The following RNF213 variants were observed in gnomAD, a reference collection of about 807,000 sequenced individuals.
The protein encoded by RNF213 is ring finger protein 213.
In RNF213, 341 loss-of-function variants were observed where a neutral mutation model predicts 514.4. The ratio of observed to expected loss-of-function variants is 0.66; its 90% confidence interval spans 0.61 to 0.73. The LOEUF (loss-of-function observed/expected upper bound fraction) is 0.73, where lower values mean the gene tolerates loss of function less well. Ranked by LOEUF, RNF213 falls within the 30% of genes least tolerant of loss-of-function variation. RNF213 has a pLI of 0.00. For missense variants in RNF213, 5,767 were observed against 6,615.6 expected (o/e 0.87, Z 4.45); for synonymous variants, 2,655 against 2,658.2 (o/e 1.00, Z 0.04).
At chr17:80,354,284 CAG>C in intron 35 of RNF213, 118 bp downstream of exon 35, 5 of 1,485,204 alleles carry the variant, frequency 3.4e-6, no homozygotes, top group Non-Finnish European at 4.7e-6. Context: ...TCAGCAGAAG[CAG>C]TGACACAGTG....
intron 31 of RNF213, among the ~76,000 whole-genome samples, 192 bp from the exon 32 acceptor site, chr17:80,351,493 T>C (rs965872391): frequency 1.3e-5 from 2 of 152,216 alleles, no homozygotes; most frequent in Admixed American, 6.5e-5. Flanking sequence ...CTCATCCCCT[T>C]GTGAGAGAAG....
chr17:80,332,069 C>T lies in RNF213; in HGVS notation c.3581C>T (p.Thr1194Ile). ...QDLSSKRLNDTVTVRLSTSSN... is the reference protein window; with the variant it reads ...QDLSSKRLNDIVTVRLSTSSN... ...CTCAGCAGTAAAAGATTAAATGACA[C>T]CGTGACAGTGAGACTGTCCACCTCC... is the stretch of plus-strand genomic sequence containing the variant. Residue 1194 changes from threonine to isoleucine, a missense_variant, in exon 21 of 68, where the codon ACC becomes ATC. Coordinates refer to ENST00000582970, the MANE Select transcript of RNF213 (RefSeq NM_001256071.3). 1 of 1,537,188 alleles carries T rather than the reference C, an allele frequency of 6.5e-7. No homozygotes were observed. Among genetic ancestry groups the T allele is most frequent in the Non-Finnish European group, 8.7e-7 (1 of 1,146,914 alleles).
chr17:80,301,683 T>C (rs969069945), intron 11 of RNF213, among the ~76,000 whole-genome samples: 1 of 152,144 alleles, frequency 6.6e-6, no homozygotes, highest in Non-Finnish European at 1.5e-5. Context: ...TCTCATACAG[T>C]GTAGGAATGT....
rs564539096 is a variant in RNF213 at position 80,355,685 on chromosome 17, G to T, written c.10862+1109G>T. ...ATGGGGGCTTACAGGGGGAAGAAGCGGGGTGACCGGGAATGGGGGCTTACA... is the reference window on the plus strand; with the variant it reads ...ATGGGGGCTTACAGGGGGAAGAAGCTGGGTGACCGGGAATGGGGGCTTACA... On this transcript the variant is annotated intron_variant, in intron 36 of 67. Coordinates refer to ENST00000582970, the MANE Select transcript of RNF213 (RefSeq NM_001256071.3). Among the ~76,000 whole-genome samples, 8 of 84,568 alleles carry T rather than the reference G, an allele frequency of 9.5e-5. No homozygotes were observed. The East Asian group carries it at 2.3e-3, about 25-fold the overall frequency. The allele number at this position is 84,568 out of a possible 152,430, so 55.5% of individuals were successfully genotyped here. A position where few individuals can be genotyped will look rare whatever the true frequency, so the allele number is the denominator to read the frequency against.
chr17:80,273,651 C>G (rs919877398), intron 3 of RNF213, among the ~76,000 whole-genome samples: 1 of 139,916 alleles, frequency 7.1e-6, no homozygotes, highest in Non-Finnish European at 1.5e-5. Flanking sequence ...CAGAGTTTCG[C>G]TCTTGTTGCC....
Position 80,385,556 on chromosome 17 carries a change from T to C in RNF213, c.14474T>C (p.Leu4825Pro), listed in dbSNP as rs749022353. The C allele has an allele frequency of 1.2e-6, 2 of 1,614,162 alleles. No homozygotes were observed. Among genetic ancestry groups the C allele is most frequent in the Non-Finnish European group, 1.7e-6 (2 of 1,180,006 alleles). The change falls in exon 61 of 68, where the codon CTT (leucine) becomes CCT (proline). Residue 4825 changes from leucine (L) to proline (P), a missense_variant. This residue lies in a region of RNF213 where 1,245 missense variants were observed against 1,339.0 expected (regional missense o/e 0.93). Transcript: ENST00000582970. Reference sequence around the variant, plus strand: ...TCAACAGATGGGTTGAGGCAGCTGCTTCACAACAGGATCACAGTCTTTCTG... The same window carrying C: ...TCAACAGATGGGTTGAGGCAGCTGCCTCACAACAGGATCACAGTCTTTCTG... ...KHSSDGLRQLLHNRITVFLST... is the reference protein window; with the variant it reads ...KHSSDGLRQLPHNRITVFLST...
At chr17:80,350,121 G>A (rs939187934) in intron 30 of RNF213, among the ~76,000 whole-genome samples, 180 bp from the exon 31 acceptor site, 5 of 151,896 alleles carry the variant, frequency 3.3e-5, no homozygotes, top group Admixed American at 2.0e-4. Context: ...CACCATCCTC[G>A]GACCTCGTTA....
At chr17:80,367,934 G>C (rs2079346022) in intron 43 of RNF213, 27 bp from the exon 44 acceptor site, 2 of 1,614,100 alleles carry the variant, frequency 1.2e-6, no homozygotes, top group Admixed American at 1.7e-5. Context: ...CTCTGCTTCA[G>C]AACTGATTGC....
intron 3 of RNF213, among the ~76,000 whole-genome samples, chr17:80,278,327 G>A (rs1337534114): frequency 2.0e-5 from 3 of 152,242 alleles, no homozygotes; most frequent in Non-Finnish European, 2.9e-5. Flanking sequence ...GGCTTGGGAG[G>A]CCTGGCCTGG....
intron 3 of RNF213, among the ~76,000 whole-genome samples, chr17:80,284,098 G>A (rs970118423): frequency 1.1e-4 from 16 of 150,936 alleles, no homozygotes; most frequent in Non-Finnish European, 1.0e-4. Flanking sequence ...AGTAGCTCAC[G>A]CCTGGAATCC....
intron 29 of RNF213, among the ~76,000 whole-genome samples, chr17:80,349,264 G>A (rs1346870296): frequency 6.6e-6 from 1 of 152,194 alleles, no homozygotes; most frequent in Non-Finnish European, 1.5e-5. Flanking sequence ...CTGGACGTAG[G>A]AATCTGAGCT....
chr17:80,336,274 C>G lies in RNF213; in HGVS notation c.4423C>G (p.Leu1475Val). ...FHDAVQGYAS[L>V]LFKLDPSVDF... ...TGACGCTGTGCAGGGCTACGCATCC[C>G]TGCTATTTAAGCTGGACCCCAGCGT... Residue 1475 changes from leucine (L) to valine (V), a missense_variant, in exon 23 of 68, where the codon CTG becomes GTG. Around this residue, in one of 13 missense-constraint regions of RNF213, gnomAD observed 1,377 missense variants for 1,635.2 expected, o/e 0.84. Coordinates refer to ENST00000582970, the MANE Select transcript of RNF213 (RefSeq NM_001256071.3). The G allele has an allele frequency of 1.3e-6, 2 of 1,537,256 alleles. No homozygotes were observed. The highest frequency in any genetic ancestry group is 2.4e-5 in the East Asian group (1 of 40,920).
intron 40 of RNF213, 111 bp downstream of exon 40, chr17:80,363,425 C>T: frequency 8.0e-7 from 1 of 1,244,722 alleles, no homozygotes; most frequent in Non-Finnish European, 1.2e-6. Flanking sequence ...CTTCACAAGG[C>T]ACATACCTTA....
chr17:80,368,043 C>T lies in RNF213; in HGVS notation c.12055C>T (p.Arg4019Cys), dbSNP rs139265462. 833 of 1,614,242 alleles carry T rather than the reference C, an allele frequency of 5.2e-4. No individual in the cohort carries two copies. Among genetic ancestry groups the T allele is most frequent in the Non-Finnish European group, 5.5e-4 (644 of 1,180,032 alleles). ...CLPCDHVHCL[R>C]CLRAWFASEQ... ...GCCCTGCGACCACGTGCACTGCCTG[C>T]GCTGCCTCAGGGCCTGGTTTGCCTC... The change falls in exon 44 of 68, where the codon CGC (arginine) becomes TGC (cysteine). Residue 4019 changes from arginine to cysteine, a missense_variant. Coordinates refer to ENST00000582970, the MANE Select transcript of RNF213 (RefSeq NM_001256071.3).
At position 80,263,404 on chromosome 17, in the gene RNF213, C is replaced by G. The variant is rs754970771; in HGVS notation, c.-108-170C>G. On this transcript the variant is annotated intron_variant, in intron 1 of 67. Transcript: ENST00000582970. The surrounding 1 kb of genome is among the most constrained non-coding windows in gnomAD (Gnocchi z 4.9). ...CACCCAGCCCAACCCATGTTCTCAG[C>G]AGCAGGGATGGTTCTAGGCTGGCTG... Among the ~76,000 whole-genome samples the G allele has an allele frequency of 1.3e-5, 2 of 152,158 alleles. No individual in the cohort carries two copies. The highest frequency in any genetic ancestry group is 2.9e-5 in the Non-Finnish European group (2 of 68,024).
intron 36 of RNF213, 89 bp downstream of exon 36, chr17:80,354,665 T>C: frequency 6.7e-7 from 1 of 1,503,252 alleles, no homozygotes; most frequent in Non-Finnish European, 9.2e-7. Context: ...ATCCGGGCCA[T>C]GGGGACTGAG....
chr17:80,290,347 G>A (rs941021431), intron 6 of RNF213, among the ~76,000 whole-genome samples: 2 of 151,878 alleles, frequency 1.3e-5, no homozygotes, highest in African/African-American at 2.4e-5. Context: ...ACGTGTGTGC[G>A]TGTGCATGTA....
chr17:80,309,856 C>T (rs540277501), intron 14 of RNF213, among the ~76,000 whole-genome samples: 11 of 151,426 alleles, frequency 7.3e-5, no homozygotes, highest in Admixed American at 5.9e-4. Flanking sequence ...CCTGGGTTCA[C>T]GCCATTCTCC....
At chr17:80,287,325 G>A (rs562859954) in intron 3 of RNF213, among the ~76,000 whole-genome samples, 6 of 152,168 alleles carry the variant, frequency 3.9e-5, no homozygotes, top group South Asian at 4.1e-4. Flanking sequence ...GTGAAACCCC[G>A]TTTCTACAAA....
Sources: allele counts gnomAD v4.1 joint callset (sites outside exome capture counted in the v4.1 genomes callset), GRCh38; gene constraint gnomAD v4.1.1; regional missense constraint gnomAD v4.1.1; non-coding constraint Gnocchi (gnomAD v3.1); transcripts MANE v1.5; gene names NCBI Gene and HGNC (gene_info 2026-07-23, HGNC 2026-07-21).